TMEM120B: variants seen among roughly 807,000 people sequenced by gnomAD.
The protein encoded by TMEM120B is transmembrane protein 120B.
Under a neutral mutation model 55.5 loss-of-function variants are expected in TMEM120B, and 31 were observed. The ratio of observed to expected loss-of-function variants is 0.56; its 90% CI spans 0.42 to 0.75. The LOEUF is 0.75. Among genes scored for constraint, TMEM120B ranks in the 30% least tolerant of loss-of-function variants. The probability of loss-of-function intolerance (pLI) is 0.00; values close to 1 mark genes in which losing one functional copy is unlikely to be tolerated. For synonymous variants in TMEM120B, 203 were observed against 176.3 expected (o/e 1.15, Z -1.20); for missense variants, 399 against 425.5 (o/e 0.94, Z 0.55).
rs1410569008 is a variant in TMEM120B, at chr12:121,779,075, C to T, written c.*3353C>T. On this transcript the variant is annotated 3_prime_UTR_variant, in exon 12 of 12. Transcript: ENST00000449592. ...AAGGAGCTGGAGGATACAGTGGTGC[C>T]TATCTCGGGAGCCCAGGGAGGCAGG... 2 of 180,168 alleles carry T rather than the reference C, an allele frequency of 1.1e-5. No homozygotes were observed. Among genetic ancestry groups the T allele is most frequent in the African/African-American group, 4.7e-5 (2 of 42,712 alleles). The allele number at this position is 180,168 out of a possible 1,614,324, so 11.2% of individuals were successfully genotyped here. A position where few individuals can be genotyped will look rare whatever the true frequency, so the allele number is the denominator to read the frequency against.
chr12:121,730,974 A>G (rs1445656914), intron 1 of TMEM120B, among the ~76,000 whole-genome samples: 2 of 152,100 alleles, frequency 1.3e-5, no homozygotes, highest in African/African-American at 4.8e-5. Context: ...AAAAAAAGAA[A>G]AGACACATAC....
rs764625051 is a variant in TMEM120B, at chr12:121,781,210, C to T, written c.*5488C>T. The T allele has an allele frequency of 1.1e-5, 17 of 1,610,114 alleles. No homozygotes were observed. Among genetic ancestry groups the T allele is most frequent in the Non-Finnish European group, 9.3e-6 (11 of 1,176,536 alleles). On this transcript the variant is annotated 3_prime_UTR_variant, in exon 12 of 12. Coordinates refer to ENST00000449592, the MANE Select transcript of TMEM120B (RefSeq NM_001080825.2). ...TTCTTGCCCTGAAAGCACAGAGCAG[C>T]GGGGGTCAGGGGACGTCCCCTCCCT...
intron 5 of TMEM120B, among the ~76,000 whole-genome samples, chr12:121,754,834 G>A (rs1214920058): frequency 2.0e-5 from 3 of 152,174 alleles, no homozygotes; most frequent in Non-Finnish European, 4.4e-5. Context: ...GGCTAAAAAC[G>A]GGGCAGAGGA....
intron 1 of TMEM120B, among the ~76,000 whole-genome samples, chr12:121,740,210 C>T (rs1383004532): frequency 2.0e-5 from 3 of 152,098 alleles, no homozygotes; most frequent in Non-Finnish European, 4.4e-5. Flanking sequence ...AGAGGCCTGG[C>T]ACGGTGGCTC....
intron 2 of TMEM120B, among the ~76,000 whole-genome samples, chr12:121,744,682 G>A (rs377077794): frequency 7.3e-4 from 111 of 152,318 alleles, no homozygotes; most frequent in Middle Eastern, 6.8e-3. Context: ...AGTGGATGCC[G>A]TGACCCCATT....
rs1306453078 is a variant in TMEM120B, at chr12:121,780,013, C to G, written c.*4291C>G. 1 of 227,826 alleles carries G rather than the reference C, an allele frequency of 4.4e-6. No homozygotes were observed. The highest frequency in any genetic ancestry group is 8.7e-6 in the Non-Finnish European group (1 of 114,418). 14.1% of individuals were successfully genotyped at this position (227,826 alleles called of 1,614,324 possible). ...AGACAGAAAGGACTTCCAGCCACCT[C>G]TCTCCCTTCTCTGAAAGTACCATTT... On this transcript the variant is annotated 3_prime_UTR_variant, in exon 12 of 12. Coordinates refer to ENST00000449592, the MANE Select transcript of TMEM120B (RefSeq NM_001080825.2).
At chr12:121,749,645 C>T (rs543499343) in intron 3 of TMEM120B, among the ~76,000 whole-genome samples, 1 of 152,306 alleles carries the variant, frequency 6.6e-6, no homozygotes, top group Admixed American at 6.5e-5. Flanking sequence ...GTGGCTCATG[C>T]CTGTAATCCC....
intron 10 of TMEM120B, 34 bp downstream of exon 10, chr12:121,774,756 T>TTC (rs1431087418): frequency 6.2e-7 from 1 of 1,609,436 alleles, no homozygotes; most frequent in African/African-American, 1.3e-5. Flanking sequence ...GTATCTCCTG[T>TTC]CTGGGCTGAC....
chr12:121,756,690 AAGG>A (rs1263173731), intron 5 of TMEM120B, among the ~76,000 whole-genome samples: 10 of 152,310 alleles, frequency 6.6e-5, no homozygotes, highest in South Asian at 2.1e-4. Flanking sequence ...GGCAAAATGA[AAGG>A]AGGATGCAAC....
rs1873685357 is a variant in TMEM120B at position 121,761,743 on chromosome 12, C to T, written c.551+5C>T. On this transcript the variant is annotated splice_donor_5th_base_variant and intron_variant, in intron 6 of 11. Transcript: ENST00000449592. ...TCTCATCAGCAACGGCTCAAGGTAC[C>T]TGGGCACCTGGCTTTGTGGGGAGCA... The T allele has an allele frequency of 1.2e-6, 2 of 1,612,166 alleles. No individual in the cohort carries two copies. Among genetic ancestry groups the T allele is most frequent in the Non-Finnish European group, 1.7e-6 (2 of 1,178,468 alleles).
At chr12:121,770,608 G>A (rs780649405) in intron 6 of TMEM120B, among the ~76,000 whole-genome samples, 2 of 152,066 alleles carry the variant, frequency 1.3e-5, no homozygotes, top group Admixed American at 6.6e-5. Context: ...AGAGGACCAG[G>A]TGGGGAGGAC....
intron 1 of TMEM120B, among the ~76,000 whole-genome samples, chr12:121,731,151 T>C (rs916057673): frequency 6.6e-6 from 1 of 152,196 alleles, no homozygotes; most frequent in African/African-American, 2.4e-5. Flanking sequence ...TGTGGTATAG[T>C]CACACATTGC....
At position 121,712,886 on chromosome 12, in the gene TMEM120B, C is replaced by G. The variant is rs559452533; in HGVS notation, c.-10C>G. On this transcript the variant is annotated 5_prime_UTR_variant, in exon 1 of 12. Coordinates refer to ENST00000449592, the MANE Select transcript of TMEM120B (RefSeq NM_001080825.2). ...CAGCCGCCGGCACCGCCGCCTTGCA[C>G]CATCGCATCATGTCCGGGCAGCTGG... The G allele has an allele frequency of 1.4e-5, 21 of 1,519,286 alleles. No homozygotes were observed. Among genetic ancestry groups the G allele is most frequent in the Non-Finnish European group, 1.8e-5 (21 of 1,139,668 alleles). The allele number at this position is 1,519,286 out of a possible 1,614,324, so 94.1% of individuals were successfully genotyped here. A position where few individuals can be genotyped will look rare whatever the true frequency, so the allele number is the denominator to read the frequency against.
chr12:121,714,076 C>G (rs942767860), intron 1 of TMEM120B, among the ~76,000 whole-genome samples: 1 of 152,004 alleles, frequency 6.6e-6, no homozygotes, highest in African/African-American at 2.4e-5. Context: ...GCTGGAGAGC[C>G]GGGGCAGGAA....
At chr12:121,733,025 T>G (rs1230476668) in intron 1 of TMEM120B, among the ~76,000 whole-genome samples, 1 of 151,670 alleles carries the variant, frequency 6.6e-6, no homozygotes, top group Non-Finnish European at 1.5e-5. Flanking sequence ...CCCTCTGACC[T>G]GCAATTTTAC....
At chr12:121,715,284 G>A (rs992333862) in intron 1 of TMEM120B, among the ~76,000 whole-genome samples, 1 of 152,144 alleles carries the variant, frequency 6.6e-6, no homozygotes, top group Non-Finnish European at 1.5e-5. Context: ...AGTGAGACAA[G>A]ACTGTGCCAT....
At chr12:121,715,445 T>TGACTCTTTCTTAG (rs1463368120) in intron 1 of TMEM120B, among the ~76,000 whole-genome samples, 2 of 152,238 alleles carry the variant, frequency 1.3e-5, no homozygotes, top group Admixed American at 1.3e-4. Flanking sequence ...AGGAGTTGTT[T>TGACTCTTTCTTAG]GACTCTTTCT....
intron 5 of TMEM120B, chr12:121,758,985 C>T: frequency 1.0e-6 from 1 of 985,440 alleles, no homozygotes; most frequent in East Asian, 1.1e-4. Flanking sequence ...AGGAGTTCTT[C>T]AGTTAGTGTT....
At position 121,726,050 on chromosome 12, in the gene TMEM120B, A is replaced by AC. The variant is rs1372353963; in HGVS notation, c.69+13086_69+13087insC. Among the ~76,000 whole-genome samples, 6 of 131,382 alleles carry AC rather than the reference A, an allele frequency of 4.6e-5. 1 individual carries two copies. Among genetic ancestry groups the AC allele is most frequent in the South Asian group, 4.8e-4 (2 of 4,168 alleles). The allele number at this position is 131,382 out of a possible 152,430, so 86.2% of individuals were successfully genotyped here. ...GACTCTGTCTCAAAAAAAAAAAAAC[A>AC]AAAAAAAAACCACCTCTGGACAGAA... On this transcript the variant is annotated intron_variant, in intron 1 of 11. Transcript: ENST00000449592.
Sources: gnomAD v4.1 joint callset for allele counts (sites outside exome capture counted in the v4.1 genomes callset) on GRCh38, gnomAD v4.1.1 for gene constraint, MANE v1.5 for transcripts, NCBI Gene and HGNC (gene_info 2026-07-23, HGNC 2026-07-21) for gene names.